KCNQ2: variants seen among roughly 807,000 people sequenced by gnomAD.
The protein encoded by KCNQ2 is potassium voltage-gated channel subfamily KQT member 2.
A neutral mutation model predicts 84.8 loss-of-function variants in KCNQ2; 14 were observed. That is an observed-to-expected ratio of 0.17 (90% CI 0.11 to 0.26). The LOEUF is 0.26. KCNQ2 is among the 10% of genes least tolerant of loss of function. The pLI, the probability that KCNQ2 is intolerant of heterozygous loss-of-function variation, is 1.00. For missense variants in KCNQ2, 788 were observed against 1,254.0 expected (o/e 0.63, Z 5.61); for synonymous variants, 599 against 554.1 (o/e 1.08, Z -1.14).
chr20:63,433,983 G>A (rs552905373), intron 7 of KCNQ2, 80 bp from the exon 8 acceptor site: 34 of 1,231,144 alleles, frequency 2.8e-5, no homozygotes, highest in African/African-American at 1.6e-4. Flanking sequence ...TGGAGGGAAC[G>A]GGGCAGAGGG....
intron 7 of KCNQ2, among the ~76,000 whole-genome samples, chr20:63,437,912 C>T (rs1356203331): frequency 2.0e-5 from 3 of 152,162 alleles, no homozygotes; most frequent in South Asian, 2.1e-4. Flanking sequence ...CTGGTTCAAG[C>T]GATTCTCCTG....
Position 63,407,006 on chromosome 20 carries a change from ACAGCGACCGCTCGTGGGCAGGCGGC to A in KCNQ2, c.2232_2256del (p.Ala747ThrfsTer175). 1 of 1,536,086 alleles carries A rather than the reference ACAGCGACCGCTCGTGGGCAGGCGGC, an allele frequency of 6.5e-7. No homozygotes were observed. The highest frequency in any genetic ancestry group is 8.7e-7 in the Non-Finnish European group (1 of 1,144,014). On this transcript the variant is annotated frameshift_variant, in exon 17 of 17. Transcript: ENST00000359125. LOFTEE classifies it high-confidence loss of function. This position sits in a 1 kb window ranked among gnomAD's most constrained non-coding sequence, Gnocchi z 7.2. ...GCGCGGTTGCCCCCGCCGTAGGCGG[ACAGCGACCGCTCGTGGGCAGGCGGC>A]GGCGGGATGCGCACCAGGGAGCCGT... is the stretch of plus-strand genomic sequence containing the variant.
At position 63,414,177 on chromosome 20, in the gene KCNQ2, T is replaced by C. The variant is rs746183946; in HGVS notation, c.1542A>G (p.Gly514=). 4 of 1,613,176 alleles carry C rather than the reference T, an allele frequency of 2.5e-6. No homozygotes were observed. The African/African-American group carries it at 4.0e-5, about 16-fold the overall frequency. Reference sequence around the variant, plus strand: ...AGCTCTTGTCATCCACAATGTCCTCTCCGGGGAGGCTTGCTTCTGGGGGGA... The same window carrying C: ...AGCTCTTGTCATCCACAATGTCCTCCCCGGGGAGGCTTGCTTCTGGGGGGA... ...RQNSEEASLP[G]EDIVDDKSCP... Residue 514 remains glycine, a synonymous_variant, in exon 14 of 17, where the codon GGA becomes GGG. Transcript: ENST00000359125. This position sits in a 1 kb window ranked among gnomAD's most constrained non-coding sequence, Gnocchi z 6.6.
At chr20:63,417,162 T>C (rs1157762152) in intron 12 of KCNQ2, among the ~76,000 whole-genome samples, 1 of 151,994 alleles carries the variant, frequency 6.6e-6, no homozygotes, top group South Asian at 2.1e-4. Flanking sequence ...CCTGGTGCTG[T>C]GGGTGCCTCT....
intron 15 of KCNQ2, among the ~76,000 whole-genome samples, chr20:63,409,647 CCCTGGACTGGGGCCTGGTACA>C (rs1208345002): frequency 6.6e-6 from 1 of 152,196 alleles, no homozygotes; most frequent in Non-Finnish European, 1.5e-5. Context: ...CCCAAGTCTC[CCCTGGACTGGGGCCTGGTACA>C]TGAAGACTGC....
chr20:63,419,628 C>A lies in KCNQ2; in HGVS notation c.1292G>T (p.Gly431Val). Residue 431 changes from glycine to valine, a missense_variant, in exon 12 of 17, where the codon GGA becomes GTA. Coordinates refer to ENST00000359125, the MANE Select transcript of KCNQ2 (RefSeq NM_172107.4). ...GCGTGTTCCGCGGTACCTAGAGCGT[C>A]CGGGGCAGCATCCACACAGGGGCCC... ...CRGPLCGCCP[G>V]RSSQKVSLKD... The A allele has an allele frequency of 1.2e-6, 2 of 1,611,022 alleles. No individual in the cohort carries two copies. Among genetic ancestry groups the A allele is most frequent in the Non-Finnish European group, 1.7e-6 (2 of 1,179,438 alleles).
chr20:63,431,264 G>C (rs2080778119), intron 9 of KCNQ2, 76 bp downstream of exon 9: 1 of 1,566,928 alleles, frequency 6.4e-7, no homozygotes, highest in African/African-American at 1.4e-5. Flanking sequence ...GGCTCCAGGG[G>C]CTTGCCCGGT....
At chr20:63,421,664 A>G (rs75164100) in intron 11 of KCNQ2, among the ~76,000 whole-genome samples, 10,226 of 152,180 alleles carry the variant, frequency 0.067, 486 homozygotes, top group Admixed American at 0.13. Flanking sequence ...TGTGCTTGAG[A>G]AGAGGAGGGG....
rs866160375 is a variant in KCNQ2 at position 63,406,927 on chromosome 20, C to T, written c.2336G>A (p.Gly779Glu). ...EDTPGCRPPE[G>E]NLRDSDTSIS... ...GGACGTGTCGCTGTCCCGCAGGTTC[C>T]CCTCGGGGGGCCTGCAGCCCGGGGT... The change falls in exon 17 of 17, where the codon GGG (glycine) becomes GAG (glutamate). Residue 779 changes from glycine to glutamate, a missense_variant. Physicochemically the swap from Gly to Glu is moderately conservative, Grantham distance 98. Coordinates refer to ENST00000359125, the MANE Select transcript of KCNQ2 (RefSeq NM_172107.4). 3 of 1,603,444 alleles carry T rather than the reference C, an allele frequency of 1.9e-6. No individual in the cohort carries two copies. Among genetic ancestry groups the T allele is most frequent in the Non-Finnish European group, 2.5e-6 (3 of 1,177,072 alleles).
At chr20:63,442,701 T>TTACCACCACCAC (rs2081212788) in intron 4 of KCNQ2, among the ~76,000 whole-genome samples, 170 bp from the exon 5 acceptor site, 1 of 48,070 alleles carries the variant, frequency 2.1e-5, no homozygotes, top group African/African-American at 8.3e-5. Context: ...ATCACCACCA[T>TTACCACCACCAC]CACCATCACC....
Position 63,460,933 on chromosome 20 carries a change from C to T in KCNQ2, c.296+11235G>A, listed in dbSNP as rs1010087959. On this transcript the variant is annotated intron_variant, in intron 1 of 16. Coordinates refer to ENST00000359125, the MANE Select transcript of KCNQ2 (RefSeq NM_172107.4). This position sits in a 1 kb window ranked among gnomAD's most constrained non-coding sequence, Gnocchi z 5.4. ...TCAGAGACAAGCCAACTACCTGGCA[C>T]GCGAGACTCATCTTGCCCATGAGAA... The T allele has an allele frequency of 6.6e-6, 1 of 152,252 alleles. No individual in the cohort carries two copies. Among genetic ancestry groups the T allele is most frequent in the Non-Finnish European group, 1.5e-5 (1 of 68,064 alleles). 9.4% of individuals were successfully genotyped at this position (152,252 alleles called of 1,614,324 possible). A position where few individuals can be genotyped will look rare whatever the true frequency, so the allele number is the denominator to read the frequency against.
intron 8 of KCNQ2, 199 bp downstream of exon 8, chr20:63,433,610 T>G: frequency 1.0e-6 from 1 of 984,016 alleles, no homozygotes; most frequent in Non-Finnish European, 1.5e-6. Flanking sequence ...GAAATGAAAG[T>G]GAAGAGAAAG....
Position 63,438,756 on chromosome 20 carries a change from C to A in KCNQ2, c.928-36G>T. 6.4e-7 allele frequency: 1 copy of A among 1,567,504 alleles called. No homozygotes were observed. The stretch of plus-strand genomic sequence containing the variant: ...TCAGGGTCAGGTCACACCCCAGGGA[C>A]CCCCCACACCCCAATTCATCAGGGT... On this transcript the variant is annotated intron_variant, in intron 6 of 16. Coordinates refer to ENST00000359125, the MANE Select transcript of KCNQ2 (RefSeq NM_172107.4). This position sits in a 1 kb window ranked among gnomAD's most constrained non-coding sequence, Gnocchi z 5.1.
intron 1 of KCNQ2, chr20:63,463,856 G>A (rs2082016565): frequency 6.6e-6 from 1 of 152,058 alleles, no homozygotes; most frequent in South Asian, 2.1e-4. Flanking sequence ...AGATACAGAG[G>A]AAGAATCTAG....
chr20:63,416,810 C>T (rs541213356), intron 12 of KCNQ2, among the ~76,000 whole-genome samples: 6 of 152,282 alleles, frequency 3.9e-5, no homozygotes, highest in African/African-American at 1.2e-4. Context: ...GAGAGCCCAC[C>T]GCGCCCGTCT....
At position 63,425,957 on chromosome 20, in the gene KCNQ2, G is replaced by A. The variant is rs543342622; in HGVS notation, c.1218-1751C>T. On this transcript the variant is annotated intron_variant, in intron 10 of 16. Transcript: ENST00000359125. The surrounding 1 kb of genome is among the most constrained non-coding windows in gnomAD (Gnocchi z 5.5). ...TGACAGAGGGGCCGCCGGCCACCACGTTTCCAATCCGGCGGGGCAAACTCC... is the reference window on the plus strand; with the variant it reads ...TGACAGAGGGGCCGCCGGCCACCACATTTCCAATCCGGCGGGGCAAACTCC... 6.6e-5 allele frequency among the ~76,000 whole-genome samples: 10 copies of A among 152,324 alleles called. No homozygotes were observed. Among genetic ancestry groups the A allele is most frequent in the South Asian group, 4.1e-4 (2 of 4,826 alleles).
Position 63,406,450 on chromosome 20 carries a change from G to T in KCNQ2, c.*194C>A. The T allele has an allele frequency of 1.4e-6, 1 of 696,866 alleles. No homozygotes were observed. Among genetic ancestry groups the T allele is most frequent in the Non-Finnish European group, 2.3e-6 (1 of 429,764 alleles). 43.2% of individuals were successfully genotyped at this position (696,866 alleles called of 1,614,324 possible). A position where few individuals can be genotyped will look rare whatever the true frequency, so the allele number is the denominator to read the frequency against. On this transcript the variant is annotated 3_prime_UTR_variant, in exon 17 of 17. Transcript: ENST00000359125. The stretch of plus-strand genomic sequence containing the variant: ...GGCCCTGCCCAGCCCTCCAGCCCCT[G>T]TTGGAAAATAACTTTTGTAAAAGGT...
At chr20:63,442,373 G>A (rs199918015) in intron 5 of KCNQ2, 33 bp downstream of exon 5, 117 of 1,613,554 alleles carry the variant, frequency 7.3e-5, no homozygotes, top group Admixed American at 8.3e-5. Flanking sequence ...TGTATCAGCA[G>A]GGAAAGGGAA....
intron 1 of KCNQ2, among the ~76,000 whole-genome samples, chr20:63,465,498 C>T (rs574880937): frequency 2.0e-4 from 31 of 152,332 alleles, no homozygotes; most frequent in Admixed American, 1.4e-3. Context: ...GGCCCTGCCA[C>T]TCAGAGCCCA....
Sources: gnomAD v4.1 joint callset for allele counts (sites outside exome capture counted in the v4.1 genomes callset) on GRCh38, gnomAD v4.1.1 for gene constraint, Gnocchi (gnomAD v3.1) non-coding constraint, MANE v1.5 for transcripts, NCBI Gene and HGNC (gene_info 2026-07-23, HGNC 2026-07-21) for gene names.